Variants in POSTN observed in about 807,000 individuals in gnomAD.
POSTN encodes osteoblast specific factor 2 (fasciclin I-like).
POSTN carries 71 observed loss-of-function variants against 104.5 expected under a neutral mutation model. The observed-to-expected ratio is 0.68, with a 90% CI of 0.56 to 0.83. POSTN has a LOEUF of 0.83. Among genes scored for constraint, POSTN ranks in the 40% least tolerant of loss-of-function variants. POSTN has a pLI of 0.00. For missense variants in POSTN, 949 were observed against 1,006.8 expected (o/e 0.94, Z 0.78); for synonymous variants, 355 against 340.7 (o/e 1.04, Z -0.46).
Position 37,597,189 on chromosome 13 carries a change from C to T in POSTN, c.213G>A (p.Gln71=), listed in dbSNP as rs745588898. Residue 71 remains glutamine (Q), a synonymous_variant, in exon 2 of 23, where the codon CAG becomes CAA. Transcript: ENST00000379747. ...GAAAAAAAAAAGAGACTTACGTTTTCTGTCCACAGATGGACTTTTTATACC... is the reference window on the plus strand; with the variant it reads ...GAAAAAAAAAAGAGACTTACGTTTTTTGTCCACAGATGGACTTTTTATACC... ...KNWYKKSICG[Q]KTTVLYECCP... The T allele has an allele frequency of 3.2e-6, 5 of 1,539,238 alleles. No individual in the cohort carries two copies. The highest frequency in any genetic ancestry group is 2.6e-6 in the Non-Finnish European group (3 of 1,149,174).
At chr13:37,594,780 C>T (rs189544868) in intron 2 of POSTN, among the ~76,000 whole-genome samples, 18 of 152,194 alleles carry the variant, frequency 1.2e-4, no homozygotes, top group Admixed American at 8.5e-4. Flanking sequence ...GAAAGGCAAA[C>T]ATTTCTGTCA....
chr13:37,580,470 A>G (rs1950546846), intron 11 of POSTN, 91 bp downstream of exon 11: 3 of 1,380,946 alleles, frequency 2.2e-6, no homozygotes, highest in South Asian at 2.5e-5. Flanking sequence ...TCAACCACAT[A>G]GGAGACTGAA....
At chr13:37,563,768 T>G (rs1593299735) in intron 22 of POSTN, among the ~76,000 whole-genome samples, 1 of 152,014 alleles carries the variant, frequency 6.6e-6, no homozygotes, top group East Asian at 1.9e-4. Flanking sequence ...TAGTATCTAA[T>G]TAACCCAGAA....
intron 16 of POSTN, among the ~76,000 whole-genome samples, chr13:37,576,489 A>G (rs987128902): frequency 6.6e-6 from 1 of 152,156 alleles, no homozygotes; most frequent in Non-Finnish European, 1.5e-5. Flanking sequence ...GTAGGAGAAA[A>G]TAATTATATT....
At chr13:37,580,778 T>C in intron 10 of POSTN, 81 bp from the exon 11 acceptor site, 3 of 1,571,068 alleles carry the variant, frequency 1.9e-6, no homozygotes, top group Non-Finnish European at 2.6e-6. Flanking sequence ...TAATTAAGTT[T>C]CCGGATCGGC....
At chr13:37,586,389 G>C in intron 6 of POSTN, 109 bp from the exon 7 acceptor site, 1 of 1,165,900 alleles carries the variant, frequency 8.6e-7, no homozygotes, top group Non-Finnish European at 1.2e-6. Flanking sequence ...ACACTATAGA[G>C]GTTTGTTGTT....
At position 37,569,737 on chromosome 13, in the gene POSTN, T is replaced by C. The variant is rs1950209434; in HGVS notation, c.2347+7A>G. 2 of 1,569,808 alleles carry C rather than the reference T, an allele frequency of 1.3e-6. No individual in the cohort carries two copies. Among genetic ancestry groups the C allele is most frequent in the East Asian group, 2.2e-5 (1 of 44,630 alleles). On this transcript the variant is annotated splice_region_variant and intron_variant, in intron 20 of 22. Transcript: ENST00000379747. ...AGTCACATTCTTATTTTCCTAGAAA[T>C]GCTGACCTTCTTGTAACAATTTCTT...
chr13:37,574,627 C>T lies in POSTN; in HGVS notation c.2034G>A (p.Val678=). ...VYTTKIITKV[V]EPKIKVIEGS... is the part of the protein sequence containing the mutation. ...CTTCAATCACTTTAATTTTTGGTTC[C>T]ACAACTTTGGTTATAATTTTAGTTG... The change falls in exon 17 of 23, where the codon GTG becomes GTA. Residue 678 remains valine, a synonymous_variant. Transcript: ENST00000379747. 6.3e-7 allele frequency: 1 copy of T among 1,595,530 alleles called. No individual in the cohort carries two copies. The highest frequency in any genetic ancestry group is 1.1e-5 in the South Asian group (1 of 87,188).
In POSTN at chr13:37,590,543, G is replaced by T. The variant is rs750143086; in HGVS notation, c.284-14C>A. On this transcript the variant is annotated splice_polypyrimidine_tract_variant and intron_variant, in intron 3 of 22. Coordinates refer to ENST00000379747, the MANE Select transcript of POSTN (RefSeq NM_006475.3). Reference sequence around the variant, plus strand: ...CAATGGGCAAAACTGAAATAATCAAGAAATGAATCAGTACTGGGGATAATA... The same window carrying T: ...CAATGGGCAAAACTGAAATAATCAATAAATGAATCAGTACTGGGGATAATA... The T allele has an allele frequency of 1.2e-6, 2 of 1,603,688 alleles. No individual in the cohort carries two copies. The highest frequency in any genetic ancestry group is 4.5e-5 in the East Asian group (2 of 44,668).
intron 21 of POSTN, 146 bp downstream of exon 21, chr13:37,569,154 C>A (rs1950191787): frequency 1.7e-6 from 1 of 573,990 alleles, no homozygotes; most frequent in Admixed American, 3.3e-5. Flanking sequence ...TACCATTGAA[C>A]CAATCCATCT....
At chr13:37,585,048 C>G (rs1361407924) in intron 7 of POSTN, 120 bp from the exon 8 acceptor site, 1 of 1,423,056 alleles carries the variant, frequency 7.0e-7, no homozygotes, top group African/African-American at 1.4e-5. Flanking sequence ...CCTAAGGATT[C>G]ACTAACAGCT....
At chr13:37,583,453 T>C (rs578163245) in intron 9 of POSTN, among the ~76,000 whole-genome samples, 1 of 150,458 alleles carries the variant, frequency 6.6e-6, no homozygotes, top group Admixed American at 6.6e-5. Context: ...GTTTTTTTTT[T>C]TTTTTTGAGA....
Position 37,584,698 on chromosome 13 carries a change from A to G in POSTN, c.1108+18T>C. ...AGTAAGTAAAAAAACAAAAACAAAA[A>G]CAAAAAAAGTTGCTTACCAGAATCA... On this transcript the variant is annotated intron_variant, in intron 8 of 22. Coordinates refer to ENST00000379747, the MANE Select transcript of POSTN (RefSeq NM_006475.3). 6.3e-7 allele frequency: 1 copy of G among 1,599,318 alleles called. No homozygotes were observed. The highest frequency in any genetic ancestry group is 8.6e-7 in the Non-Finnish European group (1 of 1,169,510).
In POSTN at chr13:37,571,458, C is replaced by T; in HGVS notation, c.2090G>A (p.Gly697Glu). ...AATTTTGACTTTTGTTAGTGTGGGT[C>T]CTGGGACATTATTTTAGGAGACAAA... Reference protein sequence around the residue: ...GSLQPIIKTEGPTLTKVKIEG... With the variant: ...GSLQPIIKTEEPTLTKVKIEG... Residue 697 changes from glycine (G) to glutamate (E), a missense_variant and splice_region_variant, in exon 18 of 23, where the codon GGA (glycine) becomes GAA (glutamate). Coordinates refer to ENST00000379747, the MANE Select transcript of POSTN (RefSeq NM_006475.3). 6.3e-7 allele frequency: 1 copy of T among 1,589,532 alleles called. No individual in the cohort carries two copies. The highest frequency in any genetic ancestry group is 8.6e-7 in the Non-Finnish European group (1 of 1,159,132).
intron 18 of POSTN, 88 bp from the exon 19 acceptor site, chr13:37,570,757 A>G: frequency 1.2e-6 from 1 of 813,548 alleles, no homozygotes; most frequent in Non-Finnish European, 2.1e-6. Flanking sequence ...GATTAACTAT[A>G]TTTCTACAAA....
chr13:37,577,301 C>A (rs926649548), intron 16 of POSTN, among the ~76,000 whole-genome samples: 3 of 152,158 alleles, frequency 2.0e-5, no homozygotes, highest in Non-Finnish European at 2.9e-5. Context: ...AGTTTTTGAA[C>A]TGCCACCTTA....
chr13:37,576,927 C>G (rs1950426040), intron 16 of POSTN, among the ~76,000 whole-genome samples: 1 of 152,016 alleles, frequency 6.6e-6, no homozygotes, highest in South Asian at 2.1e-4. Context: ...TAACTGGATG[C>G]TCATGGTATA....
chr13:37,586,059 T>C, intron 7 of POSTN, 80 bp downstream of exon 7: 1 of 1,329,152 alleles, frequency 7.5e-7, no homozygotes, highest in Non-Finnish European at 1.0e-6. Flanking sequence ...AAAACTAATA[T>C]TATTGGTAAG....
intron 18 of POSTN, chr13:37,570,987 A>G (rs1950245868): frequency 3.3e-6 from 1 of 302,060 alleles, no homozygotes; most frequent in Non-Finnish European, 6.2e-6. Context: ...GAGCCCTATC[A>G]TAAATCCTAG....
Sources: allele counts gnomAD v4.1 joint callset (sites outside exome capture counted in the v4.1 genomes callset), GRCh38; gene constraint gnomAD v4.1.1; transcripts MANE v1.5; gene names NCBI Gene and HGNC (gene_info 2026-07-23, HGNC 2026-07-21).